The following MACROD2 variants were observed in gnomAD, a reference collection of about 807,000 sequenced individuals.
MACROD2 encodes ADP-ribose glycohydrolase MACROD2.
MACROD2 carries 36 observed loss-of-function variants against 70.4 expected under a neutral mutation model. The observed-to-expected ratio is 0.51, with a 90% CI of 0.39 to 0.68. MACROD2 has a LOEUF of 0.68. MACROD2 is among the 30% of genes least tolerant of loss of function. The probability of loss-of-function intolerance (pLI) is 0.00; values close to 1 mark genes in which losing one functional copy is unlikely to be tolerated. For missense variants in MACROD2, 496 were observed against 538.4 expected (o/e 0.92, Z 0.78); for synonymous variants, 172 against 178.8 (o/e 0.96, Z 0.30).
At chr20:14,580,278 G>A (rs1393025045) in intron 4 of MACROD2, among the ~76,000 whole-genome samples, 1 of 152,142 alleles carries the variant, frequency 6.6e-6, no homozygotes, top group Non-Finnish European at 1.5e-5. Context: ...TCCCTGGGTA[G>A]TTATAGCACT....
At chr20:14,249,100 T>C (rs1018106080) in intron 3 of MACROD2, among the ~76,000 whole-genome samples, 1 of 151,374 alleles carries the variant, frequency 6.6e-6, no homozygotes, top group Non-Finnish European at 1.5e-5. Context: ...TTGTTCTTTT[T>C]AGGGTATTCT....
At chr20:15,380,489 T>C (rs548442793) in intron 6 of MACROD2, among the ~76,000 whole-genome samples, 9 of 151,958 alleles carry the variant, frequency 5.9e-5, no homozygotes, top group Non-Finnish European at 1.0e-4. Context: ...TATAAACTTA[T>C]AATTAATGTT....
chr20:14,293,771 A>G (rs73090795), intron 3 of MACROD2, among the ~76,000 whole-genome samples: 23 of 152,034 alleles, frequency 1.5e-4, no homozygotes, highest in Non-Finnish European at 2.8e-4. Flanking sequence ...CAAGAAGGAC[A>G]TTATGTGCTT....
chr20:14,018,010 C>T (rs568171668), intron 2 of MACROD2, among the ~76,000 whole-genome samples: 1 of 152,186 alleles, frequency 6.6e-6, no homozygotes, highest in Admixed American at 6.5e-5. Context: ...ATTTCTTTGT[C>T]AGTTTGGGTA....
intron 3 of MACROD2, among the ~76,000 whole-genome samples, chr20:14,180,616 C>G (rs186817052): frequency 6.6e-6 from 1 of 151,984 alleles, no homozygotes; most frequent in East Asian, 1.9e-4. Context: ...AATTATGAAG[C>G]AATAAAACTG....
rs2075593431 is a variant in MACROD2, at chr20:15,068,310, CAT to C, written c.419-161629_419-161628del. On this transcript the variant is annotated intron_variant, in intron 5 of 17. Transcript: ENST00000684519. The stretch of plus-strand genomic sequence containing the variant: ...ACTACTTGTGATTGACTTCAGCATA[CAT>C]TGTATATAGTTTAAAAAATATTCTC... 1.3e-5 allele frequency among the ~76,000 whole-genome samples: 2 copies of C among 152,132 alleles called. 1 individual carries two copies. The highest frequency in any genetic ancestry group is 4.8e-5 in the African/African-American group (2 of 41,434).
chr20:15,694,220 G>C (rs150674972), intron 8 of MACROD2, among the ~76,000 whole-genome samples: 393 of 152,094 alleles, frequency 2.6e-3, no homozygotes, highest in African/African-American at 8.8e-3. Context: ...TTTTCCTCTG[G>C]GTAGATACCC....
In MACROD2 at chr20:15,630,281, A is replaced by G. The variant is rs147015576; in HGVS notation, c.645+130434A>G. On this transcript the variant is annotated intron_variant, in intron 8 of 17. Coordinates refer to ENST00000684519, the MANE Select transcript of MACROD2 (RefSeq NM_001351661.2). ...AAGATGATATCGCAAGAGATAAGAC[A>G]AAACTTCTGTGCTCTCTGCATTTGC... is the stretch of plus-strand genomic sequence containing the variant. 9.7e-4 allele frequency among the ~76,000 whole-genome samples: 148 copies of G among 152,344 alleles called. 1 individual carries two copies. The highest frequency in any genetic ancestry group is 3.5e-3 in the African/African-American group (144 of 41,592).
At chr20:14,239,277 T>C (rs920108856) in intron 3 of MACROD2, among the ~76,000 whole-genome samples, 11 of 152,154 alleles carry the variant, frequency 7.2e-5, no homozygotes, top group Non-Finnish European at 1.6e-4. Context: ...AGAATCAATA[T>C]TGTTAACATG....
chr20:14,400,322 G>T (rs1384383353), intron 3 of MACROD2, among the ~76,000 whole-genome samples: 1 of 152,114 alleles, frequency 6.6e-6, no homozygotes, highest in African/African-American at 2.4e-5. Flanking sequence ...AATACCTTTT[G>T]AGTACTCTCC....
chr20:15,995,346 T>TTTA (rs202209670), intron 15 of MACROD2, among the ~76,000 whole-genome samples: 2 of 151,380 alleles, frequency 1.3e-5, no homozygotes, highest in South Asian at 2.1e-4. Context: ...AACTTTTTAT[T>TTTA]TTATTATTAT....
chr20:15,558,265 G>C (rs946083390), intron 8 of MACROD2, among the ~76,000 whole-genome samples: 1 of 152,182 alleles, frequency 6.6e-6, no homozygotes, highest in Non-Finnish European at 1.5e-5. Flanking sequence ...TTATCCTGCT[G>C]ACTTCTTGCC....
chr20:15,965,908 A>G (rs1041413580), intron 12 of MACROD2, among the ~76,000 whole-genome samples: 3 of 152,184 alleles, frequency 2.0e-5, no homozygotes, highest in Admixed American at 2.0e-4. Context: ...ATAATTAAAC[A>G]TTTGCCTTGG....
At chr20:15,912,326 G>A (rs979816396) in intron 10 of MACROD2, among the ~76,000 whole-genome samples, 5 of 152,182 alleles carry the variant, frequency 3.3e-5, no homozygotes, top group African/African-American at 9.7e-5. Flanking sequence ...ATTAGGAAAC[G>A]TTGGGTCTCA....
At chr20:15,690,813 T>C (rs1277346392) in intron 8 of MACROD2, among the ~76,000 whole-genome samples, 1 of 152,198 alleles carries the variant, frequency 6.6e-6, no homozygotes, top group Non-Finnish European at 1.5e-5. Flanking sequence ...TCTCCTCTTT[T>C]CCCTGAGCCT....
At chr20:14,965,693 C>T (rs866955563) in intron 5 of MACROD2, among the ~76,000 whole-genome samples, 35 of 150,996 alleles carry the variant, frequency 2.3e-4, no homozygotes, top group African/African-American at 8.0e-4. Flanking sequence ...TGGTCTCGAT[C>T]TCCTGACCTC....
chr20:14,525,814 A>G (rs1246211770), intron 4 of MACROD2, among the ~76,000 whole-genome samples: 2 of 152,260 alleles, frequency 1.3e-5, no homozygotes, highest in Admixed American at 1.3e-4. Context: ...GAAGATATCA[A>G]ATAAATCATA....
intron 3 of MACROD2, among the ~76,000 whole-genome samples, chr20:14,236,776 A>G (rs1299521316): frequency 6.6e-6 from 1 of 152,126 alleles, no homozygotes; most frequent in Non-Finnish European, 1.5e-5. Flanking sequence ...AATGCTTTAA[A>G]TTCAATCTGC....
At chr20:14,454,960 G>A (rs2122997184) in intron 3 of MACROD2, among the ~76,000 whole-genome samples, 1 of 151,970 alleles carries the variant, frequency 6.6e-6, no homozygotes, top group East Asian at 1.9e-4. Context: ...CACCGTGTTA[G>A]CCAGGATGGT....
Sources: gnomAD v4.1 joint callset for allele counts (sites outside exome capture counted in the v4.1 genomes callset) on GRCh38, gnomAD v4.1.1 for gene constraint, MANE v1.5 for transcripts, NCBI Gene and HGNC (gene_info 2026-07-23, HGNC 2026-07-21) for gene names.